Variants in PRH1 observed in about 807,000 individuals in gnomAD.
PRH1 encodes salivary acidic proline-rich phosphoprotein 1/2.
A neutral mutation model predicts 7.9 loss-of-function variants in PRH1; 7 were observed. The observed-to-expected ratio is 0.89, with a 90% CI of 0.50 to 1.67. The LOEUF is 1.67. Among genes scored for constraint, PRH1 ranks in the 40% most tolerant of loss-of-function variants. PRH1 has a pLI of 0.00. For missense variants in PRH1, 109 were observed against 223.6 expected (o/e 0.49, Z 3.27); for synonymous variants, 45 against 80.8 (o/e 0.56, Z 2.38).
At chr12:10,903,751 GA>G (rs1949756906) in intron 2 of PRH1, among the ~76,000 whole-genome samples, 1 of 151,538 alleles carries the variant, frequency 6.6e-6, no homozygotes, top group African/African-American at 2.4e-5. Context: ...TCTCTTTGCT[GA>G]TGTGAATCCA....
chr12:11,037,408 G>A (rs1352296309), intron 1 of PRH1, among the ~76,000 whole-genome samples: 1 of 152,146 alleles, frequency 6.6e-6, no homozygotes, highest in Non-Finnish European at 1.5e-5. Context: ...CTCTAATGTA[G>A]AGCCAAAAAA....
intron 1 of PRH1, among the ~76,000 whole-genome samples, chr12:11,155,408 T>C (rs1389824042): frequency 2.0e-5 from 3 of 152,206 alleles, no homozygotes; most frequent in African/African-American, 7.2e-5. Flanking sequence ...AAGTCTTTTC[T>C]AGAACATTAG....
chr12:10,938,946 T>G (rs751308393), intron 2 of PRH1: 1 of 1,613,798 alleles, frequency 6.2e-7, no homozygotes, highest in Non-Finnish European at 8.5e-7. Context: ...ACTGTCCAGA[T>G]ATTAGTAAGC....
intron 1 of PRH1, among the ~76,000 whole-genome samples, chr12:11,083,542 A>ATATAAAG (rs1555160826): frequency 2.6e-5 from 4 of 151,014 alleles, no homozygotes; most frequent in East Asian, 1.9e-4. Flanking sequence ...ACATACATAT[A>ATATAAAG]TATATAAAGT....
chr12:10,990,142 T>C (rs997622751), intron 1 of PRH1, among the ~76,000 whole-genome samples: 1 of 151,900 alleles, frequency 6.6e-6, no homozygotes, highest in African/African-American at 2.4e-5. Context: ...AGCAGCGAAA[T>C]AGAATAGAGA....
At chr12:11,086,654 C>A (rs1396926115) in intron 1 of PRH1, among the ~76,000 whole-genome samples, 1 of 142,734 alleles carries the variant, frequency 7.0e-6, no homozygotes, top group Non-Finnish European at 1.6e-5. Flanking sequence ...TGGCTCAGGC[C>A]TGTAATCCCA....
intron 1 of PRH1, among the ~76,000 whole-genome samples, chr12:11,107,141 C>A (rs562824976): frequency 6.6e-6 from 1 of 152,230 alleles, no homozygotes; most frequent in African/African-American, 2.4e-5. Context: ...GCTGTGTCTA[C>A]AGGCATGCAT....
chr12:11,146,804 T>C (rs1047978145), intron 1 of PRH1, among the ~76,000 whole-genome samples: 4 of 152,192 alleles, frequency 2.6e-5, no homozygotes, highest in African/African-American at 9.6e-5. Context: ...AACAATTTAC[T>C]GCAAAAAACA....
intron 1 of PRH1, among the ~76,000 whole-genome samples, chr12:11,125,649 ATTAT>A (rs1283603962): frequency 2.6e-5 from 4 of 152,290 alleles, no homozygotes; most frequent in Non-Finnish European, 5.9e-5. Flanking sequence ...AAATATGTGT[ATTAT>A]TATTTCATTT....
In PRH1 at chr12:11,077,377, G is replaced by A. The variant is rs539802290; in HGVS notation, n.124-30189C>T. 2.3e-5 allele frequency: 10 copies of A among 436,020 alleles called. 2 individuals carry two copies. The highest frequency in any genetic ancestry group is 6.6e-5 in the African/African-American group (3 of 45,496). 27.0% of individuals were successfully genotyped at this position (436,020 alleles called of 1,614,324 possible). A position where few individuals can be genotyped will look rare whatever the true frequency, so the allele number is the denominator to read the frequency against. ...GACCTGACATAAAACTGAAAGAAAC[G>A]TCTGTTTTAGTTTCCTGCTTCCCAT... is the stretch of plus-strand genomic sequence containing the variant. On this transcript the variant is annotated intron_variant and non_coding_transcript_variant, in intron 1 of 4. Coordinates refer to the PRH1 transcript ENST00000541977.
In PRH1 at chr12:11,096,891, G is replaced by A. The variant is rs192786858; in HGVS notation, n.124-49703C>T. Among the ~76,000 whole-genome samples the A allele has an allele frequency of 1.5e-3, 172 of 113,002 alleles. 37 individuals carry two copies. The highest frequency in any genetic ancestry group is 4.9e-3 in the African/African-American group (166 of 33,616). 74.1% of individuals were successfully genotyped at this position (113,002 alleles called of 152,430 possible). On this transcript the variant is annotated intron_variant and non_coding_transcript_variant, in intron 1 of 4. Coordinates refer to the PRH1 transcript ENST00000541977. ...CGGCTCACTGCAAGCTCTGTCCCCGGGGTTCACGCCATTCTCCTGCCCCAG... is the reference window on the plus strand; with the variant it reads ...CGGCTCACTGCAAGCTCTGTCCCCGAGGTTCACGCCATTCTCCTGCCCCAG...
chr12:11,143,028 TAAG>T lies in PRH1; in HGVS notation n.40-21851_40-21849del, dbSNP rs567890410. 2.6e-4 allele frequency among the ~76,000 whole-genome samples: 40 copies of T among 152,190 alleles called. No homozygotes were observed. The East Asian group carries it at 4.2e-3, about 16-fold the overall frequency. Reference sequence around the variant, plus strand: ...AAGCTATAAAACTCACTGGTAATAGTAAGGAGACAGAAAAACACAGACTAGTAT... The same window carrying T: ...AAGCTATAAAACTCACTGGTAATAGTGAGACAGAAAAACACAGACTAGTAT... On this transcript the variant is annotated intron_variant and non_coding_transcript_variant, in intron 1 of 1. Transcript: ENST00000541175.
At chr12:10,971,000 T>C (rs1014061229) in intron 2 of PRH1, among the ~76,000 whole-genome samples, 4 of 152,238 alleles carry the variant, frequency 2.6e-5, no homozygotes, top group African/African-American at 9.6e-5. Flanking sequence ...TTTTACTTTT[T>C]TTGCCTTTTA....
intron 1 of PRH1, among the ~76,000 whole-genome samples, chr12:11,061,071 ATAATTCT>A (rs1450015487): frequency 8.5e-5 from 13 of 152,208 alleles, no homozygotes; most frequent in Non-Finnish European, 1.9e-4. Context: ...GTATGGATTC[ATAATTCT>A]TAAGAATTTT....
At chr12:10,986,266 T>C (rs1450528963) in intron 1 of PRH1, 1 of 1,613,954 alleles carries the variant, frequency 6.2e-7, no homozygotes. Context: ...AGAGAACAGA[T>C]TAGCATCAGA....
At chr12:11,029,426 C>T (rs1280211398) in intron 1 of PRH1, among the ~76,000 whole-genome samples, 1 of 126,650 alleles carries the variant, frequency 7.9e-6, no homozygotes, top group Admixed American at 8.4e-5. Flanking sequence ...ATTATATTTA[C>T]ATTGATTTTA....
chr12:10,968,075 C>T (rs779828226), intron 2 of PRH1, among the ~76,000 whole-genome samples: 31 of 151,488 alleles, frequency 2.0e-4, no homozygotes, highest in African/African-American at 2.9e-4. Context: ...AGCGAGACTC[C>T]GTCTCAAAAG....
intron 1 of PRH1, among the ~76,000 whole-genome samples, chr12:10,883,646 C>T (rs568730632): frequency 6.6e-6 from 1 of 152,322 alleles, no homozygotes; most frequent in African/African-American, 2.4e-5. Flanking sequence ...CATTGAAATA[C>T]TACATTCAGG....
intron 1 of PRH1, among the ~76,000 whole-genome samples, chr12:11,040,641 A>G (rs1942669795): frequency 6.6e-6 from 1 of 152,196 alleles, no homozygotes; most frequent in South Asian, 2.1e-4. Context: ...GCAAACCACC[A>G]TGGCACATGT....
Sources: gnomAD v4.1 joint callset for allele counts (sites outside exome capture counted in the v4.1 genomes callset) on GRCh38, gnomAD v4.1.1 for gene constraint, MANE v1.5 for transcripts, NCBI Gene and HGNC (gene_info 2026-07-23, HGNC 2026-07-21) for gene names.